The following SF3B1 variants were observed in gnomAD, a reference collection of about 807,000 sequenced individuals.
The protein encoded by SF3B1 is splicing factor 3b subunit 1, also known as pre-mRNA processing 10.
Under a neutral mutation model 153.8 loss-of-function variants are expected in SF3B1, and 12 were observed. That is an observed-to-expected ratio of 0.08 (90% CI 0.05 to 0.13). The LOEUF is 0.13. SF3B1 is among the 10% of genes least tolerant of loss of function. SF3B1 has a pLI of 1.00. For missense variants in SF3B1, 513 were observed against 1,606.1 expected (o/e 0.32, Z 11.63); for synonymous variants, 498 against 525.2 (o/e 0.95, Z 0.71).
At chr2:197,422,419 G>C (rs1389788086) in intron 2 of SF3B1, among the ~76,000 whole-genome samples, 2 of 151,930 alleles carry the variant, frequency 1.3e-5, no homozygotes, top group Non-Finnish European at 1.5e-5. Context: ...GGTGGGGGTA[G>C]GGGGGAGGGA....
chr2:197,390,585 C>T lies in SF3B1; in HGVS notation c.*1718G>A, dbSNP rs1335289749. The T allele has an allele frequency of 1.3e-5, 2 of 151,336 alleles. No individual in the cohort carries two copies. The highest frequency in any genetic ancestry group is 1.5e-5 in the Non-Finnish European group (1 of 67,964). The allele number at this position is 151,336 out of a possible 1,614,324, so 9.4% of individuals were successfully genotyped here. A position where few individuals can be genotyped will look rare whatever the true frequency, so the allele number is the denominator to read the frequency against. On this transcript the variant is annotated 3_prime_UTR_variant, in exon 25 of 25. Transcript: ENST00000335508. ...AAATCCAACTTGGAAACCCTTAATGCTCACTATCAATTTGTTGAAAGTCAA... is the reference window on the plus strand; with the variant it reads ...AAATCCAACTTGGAAACCCTTAATGTTCACTATCAATTTGTTGAAAGTCAA...
At chr2:197,412,496 C>T (rs539041139) in intron 6 of SF3B1, among the ~76,000 whole-genome samples, 43 of 151,542 alleles carry the variant, frequency 2.8e-4, no homozygotes, top group Middle Eastern at 3.4e-3. Context: ...GCTGGGATTA[C>T]AGGTGCCTGC....
intron 11 of SF3B1, 188 bp downstream of exon 11, chr2:197,404,888 T>A (rs947037803): frequency 8.4e-6 from 4 of 478,330 alleles, no homozygotes; most frequent in African/African-American, 6.1e-5. Flanking sequence ...TTTTTAAAAA[T>A]ATAAACATGG....
chr2:197,408,178 A>G, intron 8 of SF3B1, 59 bp from the exon 9 acceptor site: 3 of 1,461,206 alleles, frequency 2.1e-6, no homozygotes, highest in Non-Finnish European at 2.8e-6. Flanking sequence ...TATTACATAC[A>G]TTGAGATAAA....
At chr2:197,411,565 G>A (rs1033589336) in intron 6 of SF3B1, among the ~76,000 whole-genome samples, 2 of 151,784 alleles carry the variant, frequency 1.3e-5, no homozygotes, top group Admixed American at 6.6e-5. Flanking sequence ...CCAGCTACTC[G>A]GGAGGCTGAG....
chr2:197,399,463 G>GGTTTATCCCTAATGGAATGGTTTAT, intron 20 of SF3B1, among the ~76,000 whole-genome samples: 1 of 152,142 alleles, frequency 6.6e-6, no homozygotes, highest in East Asian at 1.9e-4. Context: ...TCTTCATACT[G>GGTTTATCCCTAATGGAATGGTTTAT]CCCTAATGGA....
chr2:197,419,187 A>C (rs2085201657), intron 4 of SF3B1: 1 of 468,010 alleles, frequency 2.1e-6, no homozygotes, highest in African/African-American at 2.0e-5. Flanking sequence ...TTGTTGACCC[A>C]GAAAACATAT....
chr2:197,420,553 G>T lies in SF3B1; in HGVS notation c.301-11C>A. The T allele has an allele frequency of 6.5e-7, 1 of 1,534,772 alleles. No individual in the cohort carries two copies. The highest frequency in any genetic ancestry group is 8.9e-7 in the Non-Finnish European group (1 of 1,122,766). ...AGCAAATGGATCATACTGAAAAGAGGTATGTCTCACTTAATATCCACTTTA... is the reference window on the plus strand; with the variant it reads ...AGCAAATGGATCATACTGAAAAGAGTTATGTCTCACTTAATATCCACTTTA... On this transcript the variant is annotated splice_polypyrimidine_tract_variant and intron_variant, in intron 3 of 24. Transcript: ENST00000335508.
In SF3B1 at chr2:197,405,045, A is replaced by C. The variant is rs767156196; in HGVS notation, c.1539+31T>G. 1.1e-5 allele frequency: 15 copies of C among 1,417,722 alleles called. No homozygotes were observed. In the East Asian group the frequency reaches 2.1e-4, roughly 19 times the overall value. The allele number at this position is 1,417,722 out of a possible 1,614,324, so 87.8% of individuals were successfully genotyped here. The stretch of plus-strand genomic sequence containing the variant: ...TTTTTTAATTAAATAAATAAGCAAC[A>C]AACATGACAATTTAACAAACTGGGA... On this transcript the variant is annotated intron_variant, in intron 11 of 24. Transcript: ENST00000335508.
rs1012346968 is a variant in SF3B1, at chr2:197,399,675, T to G, written c.3013+380A>C. ...ATCGCTAATTCAAGGTTTAAATATA[T>G]ATATATTGTTCTAAAACTAAATTAA... On this transcript the variant is annotated intron_variant, in intron 20 of 24. Transcript: ENST00000335508. 4.6e-5 allele frequency among the ~76,000 whole-genome samples: 7 copies of G among 152,258 alleles called. No homozygotes were observed. The South Asian group carries it at 1.5e-3, about 32-fold the overall frequency.
chr2:197,412,350 ATTT>A, intron 6 of SF3B1, among the ~76,000 whole-genome samples: 1 of 148,284 alleles, frequency 6.7e-6, no homozygotes. Flanking sequence ...TAATTTATTT[ATTT>A]ATTTATTTAT....
In SF3B1 at chr2:197,392,227, A is replaced by G. The variant is rs1036336820; in HGVS notation, c.*76T>C. 5.8e-5 allele frequency: 40 copies of G among 687,422 alleles called. No individual in the cohort carries two copies. Among genetic ancestry groups the G allele is most frequent in the African/African-American group, 9.0e-5 (5 of 55,366 alleles). 42.6% of individuals were successfully genotyped at this position (687,422 alleles called of 1,614,324 possible). A position where few individuals can be genotyped will look rare whatever the true frequency, so the allele number is the denominator to read the frequency against. ...GTTCTACACTGATCTGCAATGTTTAAAAGTTTACATCACCAAATCAAAGCA... is the reference window on the plus strand; with the variant it reads ...GTTCTACACTGATCTGCAATGTTTAGAAGTTTACATCACCAAATCAAAGCA... On this transcript the variant is annotated 3_prime_UTR_variant, in exon 25 of 25. Transcript: ENST00000335508.
At chr2:197,414,433 G>C (rs2085117769) in intron 6 of SF3B1, among the ~76,000 whole-genome samples, 1 of 152,154 alleles carries the variant, frequency 6.6e-6, no homozygotes, top group Non-Finnish European at 1.5e-5. Flanking sequence ...TAAGAAGAAT[G>C]AGGATCCAGC....
intron 1 of SF3B1, among the ~76,000 whole-genome samples, chr2:197,424,287 C>A (rs935517605): frequency 2.6e-5 from 4 of 152,122 alleles, no homozygotes; most frequent in Non-Finnish European, 5.9e-5. Context: ...CACTTGAGGT[C>A]AGGAGTTCGA....
In SF3B1 at chr2:197,391,720, C is replaced by T. The variant is rs1647022723; in HGVS notation, c.*583G>A. 6.6e-6 allele frequency: 1 copy of T among 152,556 alleles called. No individual in the cohort carries two copies. Among genetic ancestry groups the T allele is most frequent in the Non-Finnish European group, 1.5e-5 (1 of 68,252 alleles). The allele number at this position is 152,556 out of a possible 1,614,324, so 9.5% of individuals were successfully genotyped here. A position where few individuals can be genotyped will look rare whatever the true frequency, so the allele number is the denominator to read the frequency against. ...TATTCAAGACAGTTTAGCAAAAGTG[C>T]TACTTTTCTACGATGATGGAATGGT... On this transcript the variant is annotated 3_prime_UTR_variant, in exon 25 of 25. Transcript: ENST00000335508.
intron 5 of SF3B1, among the ~76,000 whole-genome samples, chr2:197,417,735 C>T (rs924577375): frequency 1.3e-5 from 2 of 151,964 alleles, no homozygotes; most frequent in Admixed American, 1.3e-4. Flanking sequence ...TCAGCCTGGG[C>T]AACAAAGGAA....
chr2:197,407,887 G>T, intron 9 of SF3B1, 111 bp downstream of exon 9: 2 of 857,784 alleles, frequency 2.3e-6, no homozygotes, highest in Non-Finnish European at 3.7e-6. Flanking sequence ...TAAGAGAATG[G>T]AATGACAATA....
chr2:197,398,766 T>C, intron 20 of SF3B1, 185 bp from the exon 21 acceptor site: 2 of 592,546 alleles, frequency 3.4e-6, no homozygotes, highest in South Asian at 4.2e-5. Flanking sequence ...AATTTTTGAT[T>C]ATGTATAGAA....
At chr2:197,431,368 C>G (rs2085433660) in intron 1 of SF3B1, among the ~76,000 whole-genome samples, 1 of 152,140 alleles carries the variant, frequency 6.6e-6, no homozygotes, top group Non-Finnish European at 1.5e-5. Context: ...GATCTGCCCA[C>G]CTCAGCCTCC....
Sources: allele counts gnomAD v4.1 joint callset (sites outside exome capture counted in the v4.1 genomes callset), GRCh38; gene constraint gnomAD v4.1.1; transcripts MANE v1.5; gene names NCBI Gene and HGNC (gene_info 2026-07-23, HGNC 2026-07-21).